Variants in SPAG6 observed in about 807,000 individuals in gnomAD.
SPAG6 encodes the protein sperm-associated antigen 6.
In SPAG6, 49 loss-of-function variants were observed where a neutral mutation model predicts 58.5. The ratio of observed to expected loss-of-function variants is 0.84; its 90% confidence interval spans 0.67 to 1.06. The LOEUF is 1.06. SPAG6 is among the 50% of genes least tolerant of loss of function. The pLI is 0.00. For missense variants in SPAG6, 560 were observed against 611.3 expected, an observed-to-expected ratio of 0.92 and a Z score of 0.89; for synonymous variants, 233 against 225.6, an observed-to-expected ratio of 1.03 and a Z score of -0.29.
rs537224298 is a variant in SPAG6, at chr10:22,356,766, A to G, written c.122-8087A>G. 9.1e-4 allele frequency among the ~76,000 whole-genome samples: 138 copies of G among 152,236 alleles called. 1 individual carries two copies. Among genetic ancestry groups the G allele is most frequent in the African/African-American group, 3.2e-3 (133 of 41,532 alleles). On this transcript the variant is annotated intron_variant, in intron 2 of 10. Coordinates refer to ENST00000376624, the MANE Select transcript of SPAG6 (RefSeq NM_012443.4). ...TTTTGCCATTACCATTCTCCAGGCT[A>G]TCTTCATATCTGGCTCGGTAACTAT... is the stretch of plus-strand genomic sequence containing the variant.
At chr10:22,375,661 T>G (rs999531257) in intron 4 of SPAG6, among the ~76,000 whole-genome samples, 2 of 149,642 alleles carry the variant, frequency 1.3e-5, no homozygotes, top group African/African-American at 4.9e-5. Flanking sequence ...TCTCGGCAAC[T>G]TCCCCCTCCC....
At chr10:22,358,070 C>T (rs1443862484) in intron 2 of SPAG6, among the ~76,000 whole-genome samples, 1 of 152,104 alleles carries the variant, frequency 6.6e-6, no homozygotes, top group Non-Finnish European at 1.5e-5. Context: ...TTTATAGCAG[C>T]ATGATTTATA....
chr10:22,380,729 C>T (rs1000649262), intron 4 of SPAG6, among the ~76,000 whole-genome samples: 4 of 151,624 alleles, frequency 2.6e-5, no homozygotes, highest in Non-Finnish European at 5.9e-5. Context: ...CACCTAACTG[C>T]AAAGAAATGA....
chr10:22,389,398 A>G, intron 7 of SPAG6, 86 bp downstream of exon 7: 1 of 1,399,294 alleles, frequency 7.1e-7, no homozygotes, highest in Non-Finnish European at 9.8e-7. Flanking sequence ...AGAATACAAA[A>G]TATAACTGAC....
chr10:22,388,127 C>A, intron 6 of SPAG6, 131 bp downstream of exon 6: 1 of 715,140 alleles, frequency 1.4e-6, no homozygotes, highest in Non-Finnish European at 2.2e-6. Flanking sequence ...TCGTCTTCTA[C>A]TGATGTTTTG....
chr10:22,352,456 A>G (rs549761661), intron 2 of SPAG6, among the ~76,000 whole-genome samples: 42 of 152,220 alleles, frequency 2.8e-4, no homozygotes, highest in Middle Eastern at 3.2e-3. Flanking sequence ...AAATCTGTGA[A>G]GACATTTTCT....
At chr10:22,349,522 C>T (rs1836660360) in intron 2 of SPAG6, among the ~76,000 whole-genome samples, 1 of 152,178 alleles carries the variant, frequency 6.6e-6, no homozygotes, top group Non-Finnish European at 1.5e-5. Context: ...CTTACTGGAA[C>T]ACCAGGCCAC....
intron 10 of SPAG6, among the ~76,000 whole-genome samples, chr10:22,411,968 C>T (rs1446194170): frequency 1.3e-5 from 2 of 151,416 alleles, no homozygotes; most frequent in East Asian, 3.9e-4. Flanking sequence ...CCTGCGTCGG[C>T]CTCCCGAGTA....
At chr10:22,378,720 GTTGTTCAAGGCTA>G (rs1034863986) in intron 4 of SPAG6, among the ~76,000 whole-genome samples, 2 of 152,056 alleles carry the variant, frequency 1.3e-5, no homozygotes, top group Non-Finnish European at 2.9e-5. Context: ...TCAGCCTATT[GTTGTTCAAGGCTA>G]TAACCAAGTG....
rs75231491 is a variant in SPAG6 at position 22,386,716 on chromosome 10, C to T, written c.473-38C>T. 5.4e-3 allele frequency: 8,334 copies of T among 1,536,244 alleles called. 45 individuals carry two copies. The highest frequency in any genetic ancestry group is 5.9e-3 in the Non-Finnish European group (6,586 of 1,109,300). On this transcript the variant is annotated intron_variant, in intron 4 of 10. Transcript: ENST00000376624. ...AAAAATGGCTTGCACAAGGGTCAGT[C>T]ACCCATACTCACTTAATTACTTTTC...
intron 10 of SPAG6, chr10:22,412,608 G>C (rs1384431517): frequency 2.9e-6 from 2 of 687,536 alleles, no homozygotes; most frequent in Non-Finnish European, 4.6e-6. Context: ...ATAACACTCT[G>C]TCTCCAGGCT....
rs926336852 is a variant in SPAG6 at position 22,387,861 on chromosome 10, T to G, written c.717T>G (p.His239Gln). Reference sequence around the variant, plus strand: ...CAGCTCTCAGTCAGGTTTCAAAACATTCCGTGGATCTGGCAGAAATGGTTG... The same window carrying G: ...CAGCTCTCAGTCAGGTTTCAAAACAGTCCGTGGATCTGGCAGAAATGGTTG... The part of the protein sequence containing the change: ...ILSALSQVSK[H>Q]SVDLAEMVVE... The change falls in exon 6 of 11, where the codon CAT becomes CAG. Residue 239 changes from histidine (H) to glutamine (Q), a missense_variant. Coordinates refer to ENST00000376624, the MANE Select transcript of SPAG6 (RefSeq NM_012443.4). The G allele has an allele frequency of 6.2e-7, 1 of 1,613,204 alleles. No homozygotes were observed. Among genetic ancestry groups the G allele is most frequent in the Non-Finnish European group, 8.5e-7 (1 of 1,179,572 alleles).
chr10:22,346,417 A>G (rs745585974), intron 2 of SPAG6, among the ~76,000 whole-genome samples: 6 of 141,958 alleles, frequency 4.2e-5, no homozygotes, highest in Non-Finnish European at 9.4e-5. Context: ...ACATAAACTG[A>G]TAAGAGAAAA....
chr10:22,391,612 C>A, intron 7 of SPAG6, 117 bp from the exon 8 acceptor site: 1 of 810,576 alleles, frequency 1.2e-6, no homozygotes, highest in Non-Finnish European at 1.9e-6. Flanking sequence ...TTTATTGAAC[C>A]ATTTAAGAAA....
chr10:22,393,433 C>G (rs538342930), intron 8 of SPAG6, among the ~76,000 whole-genome samples: 1 of 152,136 alleles, frequency 6.6e-6, no homozygotes, highest in Non-Finnish European at 1.5e-5. Context: ...ATACTACTAC[C>G]TTATATATCT....
intron 8 of SPAG6, among the ~76,000 whole-genome samples, chr10:22,393,771 C>T (rs1333474933): frequency 6.6e-6 from 1 of 152,060 alleles, no homozygotes; most frequent in Admixed American, 6.6e-5. Flanking sequence ...CTCGTGAATT[C>T]TCTCAGTTGT....
chr10:22,370,184 CA>C (rs1009637076), intron 4 of SPAG6, among the ~76,000 whole-genome samples: 6 of 151,988 alleles, frequency 3.9e-5, no homozygotes, highest in Non-Finnish European at 8.8e-5. Flanking sequence ...GATATAATTA[CA>C]AAAAAATCAT....
chr10:22,407,803 A>G (rs1228951472), intron 9 of SPAG6, among the ~76,000 whole-genome samples: 11 of 151,850 alleles, frequency 7.2e-5, no homozygotes, highest in South Asian at 2.1e-4. Flanking sequence ...GTCTTTTCAC[A>G]TAGTCCCATA....
chr10:22,382,104 A>C (rs563341917), intron 4 of SPAG6, among the ~76,000 whole-genome samples: 1 of 152,348 alleles, frequency 6.6e-6, no homozygotes, highest in East Asian at 1.9e-4. Context: ...TTACGGATCA[A>C]AAAATTGTAT....
Sources: gnomAD v4.1 joint callset for allele counts (sites outside exome capture counted in the v4.1 genomes callset) on GRCh38, gnomAD v4.1.1 for gene constraint, MANE v1.5 for transcripts, NCBI Gene and HGNC (gene_info 2026-07-23, HGNC 2026-07-21) for gene names.